PPARGC1A: variants seen among roughly 807,000 people sequenced by gnomAD.
PPARGC1A encodes PPARG coactivator 1 alpha.
Under a neutral mutation model 88.7 loss-of-function variants are expected in PPARGC1A, and 25 were observed. That is an observed-to-expected ratio of 0.28 (90% CI 0.21 to 0.39). The LOEUF is 0.39. PPARGC1A is among the 10% of genes least tolerant of loss of function. The probability of loss-of-function intolerance (pLI) is 1.00; values close to 1 mark genes in which losing one functional copy is unlikely to be tolerated. For synonymous variants in PPARGC1A, 363 were observed against 355.6 expected, an observed-to-expected ratio of 1.02 and a Z score of -0.24; for missense variants, 880 against 968.7, an observed-to-expected ratio of 0.91 and a Z score of 1.22.
At chr4:24,115,903 A>G in the PPARGC1A span, among the ~76,000 whole-genome samples, 1 of 152,154 alleles carries the variant, frequency 6.6e-6, no homozygotes, top group Admixed American at 6.6e-5. Context: ...ATTCCAATCA[A>G]GAACACATCC....
At chr4:24,005,565 G>A in the PPARGC1A span, among the ~76,000 whole-genome samples, 1 of 152,214 alleles carries the variant, frequency 6.6e-6, no homozygotes, top group Non-Finnish European at 1.5e-5. Flanking sequence ...ATCACGGAAT[G>A]TAAGACAGCA....
chr4:24,330,399 G>C, the PPARGC1A span, among the ~76,000 whole-genome samples: 102 of 152,272 alleles, frequency 6.7e-4, no homozygotes, highest in Non-Finnish European at 1.3e-3. Context: ...GAGGAAACTC[G>C]AGCTGGTTGC....
At chr4:24,464,449 A>AG in the PPARGC1A span, among the ~76,000 whole-genome samples, 1 of 152,238 alleles carries the variant, frequency 6.6e-6, no homozygotes, top group African/African-American at 2.4e-5. Flanking sequence ...ACTCATTGTT[A>AG]ACATTAGGGA....
At chr4:23,820,067 A>G (rs1216973101) in intron 7 of PPARGC1A, among the ~76,000 whole-genome samples, 1 of 152,190 alleles carries the variant, frequency 6.6e-6, no homozygotes, top group African/African-American at 2.4e-5. Context: ...AAGGCAATGT[A>G]AAATTCAACA....
chr4:24,383,094 A>T, the PPARGC1A span, among the ~76,000 whole-genome samples: 1 of 152,210 alleles, frequency 6.6e-6, no homozygotes, highest in South Asian at 2.1e-4. Context: ...CAGGGTCTGG[A>T]GTGGACCTCC....
At chr4:24,029,943 G>A in the PPARGC1A span, among the ~76,000 whole-genome samples, 2 of 152,162 alleles carry the variant, frequency 1.3e-5, no homozygotes, top group Non-Finnish European at 2.9e-5. Context: ...AAAAGGATAT[G>A]TAAGCCTGTA....
At chr4:23,965,344 A>G in the PPARGC1A span, among the ~76,000 whole-genome samples, 4 of 152,212 alleles carry the variant, frequency 2.6e-5, no homozygotes, top group Non-Finnish European at 5.9e-5. Context: ...TATCATTTCT[A>G]TACCACTAAT....
At chr4:23,961,474 C>T in the PPARGC1A span, among the ~76,000 whole-genome samples, 1 of 152,176 alleles carries the variant, frequency 6.6e-6, no homozygotes, top group Non-Finnish European at 1.5e-5. Flanking sequence ...TGCTTCCCTG[C>T]ACATCTTATC....
At chr4:23,923,118 T>C in the PPARGC1A span, among the ~76,000 whole-genome samples, 1 of 10,714 alleles carries the variant, frequency 9.3e-5, no homozygotes, top group Non-Finnish European at 2.1e-4. Flanking sequence ...TGTTGCTTGT[T>C]TTTTTTTTTT....
At chr4:23,929,348 T>A in the PPARGC1A span, among the ~76,000 whole-genome samples, 5 of 152,140 alleles carry the variant, frequency 3.3e-5, no homozygotes, top group African/African-American at 9.7e-5. Context: ...ATAAAACCCC[T>A]GAGGATGTGC....
the PPARGC1A span, among the ~76,000 whole-genome samples, chr4:24,246,322 C>T: frequency 6.6e-6 from 1 of 152,128 alleles, no homozygotes; most frequent in Admixed American, 6.5e-5. Flanking sequence ...CCTGGGATCC[C>T]AAAGAAATGT....
chr4:24,334,303 GC>G, the PPARGC1A span, among the ~76,000 whole-genome samples: 11 of 152,210 alleles, frequency 7.2e-5, 1 homozygote, highest in South Asian at 2.3e-3. Context: ...GAAAACTGAA[GC>G]CCAAAGAATA....
chr4:24,424,153 T>C, the PPARGC1A span, among the ~76,000 whole-genome samples: 370 of 151,492 alleles, frequency 2.4e-3, 1 homozygote, highest in African/African-American at 8.5e-3. Context: ...TTTACACTTC[T>C]AGAGCTGACT....
the PPARGC1A span, among the ~76,000 whole-genome samples, chr4:24,224,109 G>A: frequency 3.3e-5 from 5 of 152,298 alleles, no homozygotes; most frequent in Admixed American, 6.5e-5. Context: ...CGACAGTGTC[G>A]TTACTGAGTG....
the PPARGC1A span, among the ~76,000 whole-genome samples, chr4:24,049,322 A>ATATATATATATATATATATG: frequency 5.6e-5 from 8 of 141,980 alleles, no homozygotes; most frequent in Admixed American, 5.0e-4. Context: ...ATATATATAT[A>ATATATATATATATATATATG]TGTGTGTGTG....
the PPARGC1A span, among the ~76,000 whole-genome samples, chr4:24,420,271 C>T: frequency 6.6e-6 from 1 of 152,112 alleles, no homozygotes; most frequent in South Asian, 2.1e-4. Flanking sequence ...AAGTGTGCAC[C>T]GCTGCTAAGT....
the PPARGC1A span, among the ~76,000 whole-genome samples, chr4:24,343,795 G>A: frequency 3.9e-5 from 6 of 152,028 alleles, no homozygotes; most frequent in Middle Eastern, 3.4e-3. Context: ...TTGGTTACAT[G>A]AGTAAGTTCT....
the PPARGC1A span, among the ~76,000 whole-genome samples, chr4:24,323,481 T>G: frequency 9.9e-5 from 15 of 152,238 alleles, no homozygotes; most frequent in Non-Finnish European, 1.5e-5. Context: ...TTCCTTCTCC[T>G]GGCTCAGAAG....
At chr4:24,288,432 C>T in the PPARGC1A span, among the ~76,000 whole-genome samples, 1 of 152,118 alleles carries the variant, frequency 6.6e-6, no homozygotes, top group African/African-American at 2.4e-5. Context: ...AACAGGCATC[C>T]GAAACCAATT....
Sources: gnomAD v4.1 joint callset for allele counts (sites outside exome capture counted in the v4.1 genomes callset) on GRCh38, gnomAD v4.1.1 for gene constraint, MANE v1.5 for transcripts, NCBI Gene and HGNC (gene_info 2026-07-23, HGNC 2026-07-21) for gene names.